PDE8B: variants seen among roughly 807,000 people sequenced by gnomAD.
PDE8B encodes high affinity cAMP-specific and IBMX-insensitive 3',5'-cyclic phosphodiesterase 8B.
PDE8B carries 26 observed loss-of-function variants against 101.3 expected under a neutral mutation model. The ratio of observed to expected loss-of-function variants is 0.26; its 90% CI spans 0.19 to 0.36. The LOEUF (loss-of-function observed/expected upper bound fraction) is 0.36. Ranked by LOEUF, PDE8B falls within the 10% of genes least tolerant of loss-of-function variation. PDE8B has a pLI of 1.00. For missense variants in PDE8B, 810 were observed against 1,163.1 expected (o/e 0.70, Z 4.42); for synonymous variants, 424 against 429.3 (o/e 0.99, Z 0.15).
At chr5:77,179,989 T>A in the PDE8B span, among the ~76,000 whole-genome samples, 1 of 152,162 alleles carries the variant, frequency 6.6e-6, no homozygotes, top group Non-Finnish European at 1.5e-5. Flanking sequence ...TGTATATGAT[T>A]GTGAGTTGAG....
intron 1 of PDE8B, among the ~76,000 whole-genome samples, chr5:77,294,486 C>T (rs1768074336): frequency 6.6e-6 from 1 of 151,880 alleles, no homozygotes; most frequent in Non-Finnish European, 1.5e-5. Context: ...GCCCACAAAG[C>T]AGAAGAGAAA....
At chr5:77,361,000 T>A (rs998368148) in intron 10 of PDE8B, among the ~76,000 whole-genome samples, 2 of 152,222 alleles carry the variant, frequency 1.3e-5, no homozygotes, top group Admixed American at 6.5e-5. Flanking sequence ...TTATTAAAAA[T>A]TAAATTATAT....
the PDE8B span, among the ~76,000 whole-genome samples, chr5:77,095,423 A>G: frequency 2.6e-5 from 4 of 152,210 alleles, no homozygotes; most frequent in African/African-American, 9.6e-5. Flanking sequence ...TCCTGTTCCA[A>G]TTCTTCAAAG....
chr5:77,298,375 A>G (rs17570395), intron 1 of PDE8B, among the ~76,000 whole-genome samples: 2,330 of 152,296 alleles, frequency 0.015, 38 homozygotes, highest in South Asian at 0.11. Context: ...TGTTCTTGAA[A>G]TTGTGACGGT....
chr5:77,309,765 G>A (rs13170957), intron 1 of PDE8B, among the ~76,000 whole-genome samples: 123,278 of 150,944 alleles, frequency 0.82, 50,599 homozygotes, highest in East Asian at 0.97. Flanking sequence ...GATTACAGGC[G>A]CCCAACACCA....
intron 1 of PDE8B, among the ~76,000 whole-genome samples, chr5:77,273,971 C>A (rs969851305): frequency 3.3e-5 from 5 of 151,844 alleles, no homozygotes; most frequent in Non-Finnish European, 7.4e-5. Context: ...TACAGACATG[C>A]GCCACTATGC....
chr5:77,407,315 T>G, intron 12 of PDE8B, 66 bp from the exon 13 acceptor site: 3 of 1,200,728 alleles, frequency 2.5e-6, no homozygotes, highest in Non-Finnish European at 3.7e-6. Context: ...ATGAAGGGAC[T>G]CCTTTGCTGC....
chr5:77,169,413 C>A, the PDE8B span, among the ~76,000 whole-genome samples: 2 of 152,170 alleles, frequency 1.3e-5, no homozygotes, highest in Non-Finnish European at 2.9e-5. Flanking sequence ...CAAGGGCTGA[C>A]CCCCAACGTC....
At chr5:77,121,147 G>A in the PDE8B span, among the ~76,000 whole-genome samples, 1 of 152,216 alleles carries the variant, frequency 6.6e-6, no homozygotes, top group African/African-American at 2.4e-5. Context: ...GAGTCACTTA[G>A]CTGGCTGGTT....
At chr5:77,365,399 G>A (rs1581259263) in intron 10 of PDE8B, among the ~76,000 whole-genome samples, 1 of 152,092 alleles carries the variant, frequency 6.6e-6, no homozygotes, top group Admixed American at 6.5e-5. Context: ...CTTGGAGGGG[G>A]ACAAGACTGA....
At chr5:77,132,367 G>A in the PDE8B span, among the ~76,000 whole-genome samples, 7 of 151,942 alleles carry the variant, frequency 4.6e-5, no homozygotes, top group Non-Finnish European at 4.4e-5. Context: ...CTCTATTATG[G>A]CATTATTCAC....
chr5:77,171,987 T>C, the PDE8B span, among the ~76,000 whole-genome samples: 7 of 152,164 alleles, frequency 4.6e-5, no homozygotes, highest in African/African-American at 1.4e-4. Context: ...CACAATCCTT[T>C]CTAGCTTTAA....
At chr5:77,222,244 T>C (rs1751266573) in intron 1 of PDE8B, among the ~76,000 whole-genome samples, 1 of 152,210 alleles carries the variant, frequency 6.6e-6, no homozygotes, top group Non-Finnish European at 1.5e-5. Context: ...GTACAGTCCC[T>C]GTAAACCCGC....
At chr5:77,200,466 G>A in the PDE8B span, among the ~76,000 whole-genome samples, 1 of 152,140 alleles carries the variant, frequency 6.6e-6, no homozygotes, top group East Asian at 1.9e-4. Flanking sequence ...CCTGTCCTTA[G>A]AAGTCCTTGG....
At chr5:77,189,187 G>A in the PDE8B span, among the ~76,000 whole-genome samples, 1 of 152,156 alleles carries the variant, frequency 6.6e-6, no homozygotes, top group Non-Finnish European at 1.5e-5. Flanking sequence ...TAGGACACTT[G>A]CTTCCCCACT....
chr5:77,378,231 CG>C (rs1406055701), intron 10 of PDE8B, among the ~76,000 whole-genome samples: 2 of 151,910 alleles, frequency 1.3e-5, no homozygotes, highest in Non-Finnish European at 2.9e-5. Context: ...GAGGCTGAGG[CG>C]GGTGGATCAT....
intron 7 of PDE8B, among the ~76,000 whole-genome samples, chr5:77,348,538 A>G (rs1332913106): frequency 3.9e-5 from 6 of 152,190 alleles, no homozygotes; most frequent in Non-Finnish European, 8.8e-5. Context: ...AACTGAATTT[A>G]TTGTTCTGAT....
At chr5:77,191,359 T>TC in the PDE8B span, among the ~76,000 whole-genome samples, 1 of 148,412 alleles carries the variant, frequency 6.7e-6, no homozygotes, top group African/African-American at 2.5e-5. Context: ...AAACATATCT[T>TC]TTTTTTTTTT....
chr5:77,260,028 G>T (rs1760140450), intron 1 of PDE8B, among the ~76,000 whole-genome samples: 1 of 151,954 alleles, frequency 6.6e-6, no homozygotes, highest in Non-Finnish European at 1.5e-5. Context: ...GGTGGCCATG[G>T]TGGCCCATGC....
Sources: gnomAD v4.1 joint callset for allele counts (sites outside exome capture counted in the v4.1 genomes callset) on GRCh38, gnomAD v4.1.1 for gene constraint, MANE v1.5 for transcripts, NCBI Gene and HGNC (gene_info 2026-07-23, HGNC 2026-07-21) for gene names.